The following USP34 variants were observed in gnomAD, a reference collection of about 807,000 sequenced individuals.
USP34 encodes the protein ubiquitin carboxyl-terminal hydrolase 34.
A neutral mutation model predicts 460.3 loss-of-function variants in USP34; 70 were observed. The observed-to-expected ratio is 0.15, with a 90% CI of 0.13 to 0.19. The LOEUF (loss-of-function observed/expected upper bound fraction) is 0.19, where lower values mean the gene tolerates loss of function less well. USP34 is among the 10% of genes least tolerant of loss of function. The probability of loss-of-function intolerance (pLI) is 1.00; values close to 1 mark genes in which losing one functional copy is unlikely to be tolerated. For synonymous variants in USP34, 1,647 were observed against 1,405.3 expected, an observed-to-expected ratio of 1.17 and a Z score of -3.85; for missense variants, 3,985 against 4,236.2, an observed-to-expected ratio of 0.94 and a Z score of 1.65.
chr2:61,305,056 T>A (rs1690359479), intron 27 of USP34, among the ~76,000 whole-genome samples: 1 of 152,150 alleles, frequency 6.6e-6, no homozygotes, highest in African/African-American at 2.4e-5. Context: ...ACGGGTGTGG[T>A]GGCTCACGCC....
rs1406822361 is a variant in USP34 at position 61,350,662 on chromosome 2, A to G, written c.1283T>C (p.Leu428Ser). Residue 428 changes from leucine (L) to serine (S), a missense_variant, in exon 11 of 80, where the codon TTA becomes TCA. Transcript: ENST00000398571. The stretch of plus-strand genomic sequence containing the variant: ...CAAATTCTTGATGAGTGAAGGAAAT[A>G]AGTCATGTATATACCGACTACAATG... Reference protein sequence around the residue: ...LKHCSRYIHDLFPSLIKNLDP... With the variant: ...LKHCSRYIHDSFPSLIKNLDP... 6.2e-7 allele frequency: 1 copy of G among 1,613,464 alleles called. No individual in the cohort carries two copies. The highest frequency in any genetic ancestry group is 8.5e-7 in the Non-Finnish European group (1 of 1,179,826).
intron 48 of USP34, among the ~76,000 whole-genome samples, chr2:61,249,369 G>A (rs998902683): frequency 2.0e-5 from 3 of 152,220 alleles, no homozygotes; most frequent in African/African-American, 7.2e-5. Flanking sequence ...TGGACATGCT[G>A]GACAAAGGGA....
At chr2:61,192,725 G>C (rs2103738694) in intron 76 of USP34, among the ~76,000 whole-genome samples, 176 bp downstream of exon 76, 1 of 152,224 alleles carries the variant, frequency 6.6e-6, no homozygotes, top group East Asian at 1.9e-4. Flanking sequence ...AAAAATCAAA[G>C]GGAAACTAGA....
At chr2:61,386,011 A>AG (rs967714743) in intron 5 of USP34, among the ~76,000 whole-genome samples, 24 of 151,956 alleles carry the variant, frequency 1.6e-4, no homozygotes, top group South Asian at 1.2e-3. Context: ...AAAAAAAAAA[A>AG]AAAGAAATAT....
At position 61,331,198 on chromosome 2, in the gene USP34, A is replaced by C. The variant is rs569930814; in HGVS notation, c.2930+78T>G. The stretch of plus-strand genomic sequence containing the variant: ...TACAATTACTTATTATATGAAAAAA[A>C]GTTAAAACACTGGAAAATCATCTTT... On this transcript the variant is annotated intron_variant, in intron 20 of 79. Coordinates refer to ENST00000398571, the MANE Select transcript of USP34 (RefSeq NM_014709.4). 168 of 1,266,264 alleles carry C rather than the reference A, an allele frequency of 1.3e-4. No homozygotes were observed. The African/African-American group carries it at 2.4e-3, about 18-fold the overall frequency. 78.4% of individuals were successfully genotyped at this position (1,266,264 alleles called of 1,614,324 possible).
In USP34 at chr2:61,220,449, T is replaced by A; in HGVS notation, c.7908A>T (p.Glu2636Asp). ...AATCTAGACACTGAGAAGGATTGTATTCAATCACCTACAAATAACATGACA... is the reference window on the plus strand; with the variant it reads ...AATCTAGACACTGAGAAGGATTGTAATCAATCACCTACAAATAACATGACA... The part of the protein sequence containing the change: ...YILQRIWEVI[E>D]YNPSQCLDWL... The change falls in exon 67 of 80, where the codon GAA becomes GAT. Residue 2636 changes from glutamate to aspartate, a missense_variant. Around this residue, in one of 14 missense-constraint regions of USP34, gnomAD observed 604 missense variants for 684.8 expected, o/e 0.88. Coordinates refer to ENST00000398571, the MANE Select transcript of USP34 (RefSeq NM_014709.4). 1 of 1,610,832 alleles carries A rather than the reference T, an allele frequency of 6.2e-7. No individual in the cohort carries two copies. The highest frequency in any genetic ancestry group is 1.7e-4 in the Middle Eastern group (1 of 6,036).
intron 10 of USP34, among the ~76,000 whole-genome samples, chr2:61,351,267 A>C (rs1243276536): frequency 6.6e-6 from 1 of 152,228 alleles, no homozygotes; most frequent in Non-Finnish European, 1.5e-5. Flanking sequence ...GGTGTGCCAG[A>C]TTTGTTATTA....
At chr2:61,364,423 G>C (rs1692367607) in intron 10 of USP34, among the ~76,000 whole-genome samples, 1 of 152,114 alleles carries the variant, frequency 6.6e-6, no homozygotes, top group Non-Finnish European at 1.5e-5. Context: ...GAAATTAAGA[G>C]TTATTATTTT....
At chr2:61,401,856 C>A (rs1693731410) in intron 3 of USP34, among the ~76,000 whole-genome samples, 1 of 151,514 alleles carries the variant, frequency 6.6e-6, no homozygotes, top group Non-Finnish European at 1.5e-5. Flanking sequence ...CCGCGCCCGG[C>A]CCATTTTTAT....
chr2:61,461,661 A>G (rs1055913410), intron 1 of USP34, among the ~76,000 whole-genome samples: 1 of 152,182 alleles, frequency 6.6e-6, no homozygotes, highest in Non-Finnish European at 1.5e-5. Flanking sequence ...CCCTGCTAAA[A>G]TAACACTTTC....
intron 1 of USP34, among the ~76,000 whole-genome samples, chr2:61,454,740 G>A (rs1695382203): frequency 6.6e-6 from 1 of 151,090 alleles, no homozygotes; most frequent in South Asian, 2.1e-4. Context: ...AGTAGACATG[G>A]GTTTCACCAT....
chr2:61,221,381 T>A, intron 66 of USP34, 121 bp downstream of exon 66: 1 of 840,676 alleles, frequency 1.2e-6, no homozygotes, highest in Non-Finnish European at 1.8e-6. Flanking sequence ...TCCCCAAACC[T>A]GTGACTTACT....
chr2:61,310,871 T>C (rs1183633750), intron 27 of USP34, among the ~76,000 whole-genome samples: 1 of 152,148 alleles, frequency 6.6e-6, no homozygotes, highest in Non-Finnish European at 1.5e-5. Flanking sequence ...TATCAAAAAT[T>C]CCCAAATTGC....
At chr2:61,244,432 T>C (rs1688365406) in intron 51 of USP34, among the ~76,000 whole-genome samples, 1 of 152,008 alleles carries the variant, frequency 6.6e-6, no homozygotes, top group African/African-American at 2.4e-5. Context: ...CTGGCCAACA[T>C]GGTGAAACTC....
Position 61,229,645 on chromosome 2 carries a change from G to GA in USP34, c.7114-13dup. 1 of 1,606,768 alleles carries GA rather than the reference G, an allele frequency of 6.2e-7. No homozygotes were observed. Among genetic ancestry groups the GA allele is most frequent in the East Asian group, 2.2e-5 (1 of 44,686 alleles). Reference sequence around the variant, plus strand: ...AAACGCTGAAACATCTGTGAAGAAAGAAAAAGATCAAACAAGAGCCAACTC... The same window carrying GA: ...AAACGCTGAAACATCTGTGAAGAAAGAAAAAAGATCAAACAAGAGCCAACTC... On this transcript the variant is annotated splice_polypyrimidine_tract_variant and intron_variant, in intron 58 of 79. Transcript: ENST00000398571.
At chr2:61,232,686 A>G (rs1000592721) in intron 57 of USP34, among the ~76,000 whole-genome samples, 154 bp from the exon 58 acceptor site, 5 of 152,164 alleles carry the variant, frequency 3.3e-5, no homozygotes, top group Admixed American at 6.5e-5. Flanking sequence ...GTCAAACTCT[A>G]AAATCATAAT....
chr2:61,434,257 C>A (rs1694753407), intron 1 of USP34, among the ~76,000 whole-genome samples: 1 of 152,184 alleles, frequency 6.6e-6, no homozygotes, highest in South Asian at 2.1e-4. Context: ...CACAGGTCGT[C>A]CCTGATGGGC....
chr2:61,396,632 G>A (rs1693537519), intron 3 of USP34, among the ~76,000 whole-genome samples: 1 of 152,012 alleles, frequency 6.6e-6, no homozygotes, highest in South Asian at 2.1e-4. Flanking sequence ...GGGATTACAG[G>A]CGCCCACCAC....
At chr2:61,227,294 G>A (rs937762115) in intron 61 of USP34, 76 bp from the exon 62 acceptor site, 12 of 1,499,730 alleles carry the variant, frequency 8.0e-6, no homozygotes, top group South Asian at 1.2e-5. Context: ...CTTGTTTTAT[G>A]TAACAGTGTA....
Sources: gnomAD v4.1 joint callset for allele counts (sites outside exome capture counted in the v4.1 genomes callset) on GRCh38, gnomAD v4.1.1 for gene constraint, gnomAD v4.1.1 regional missense constraint, MANE v1.5 for transcripts, NCBI Gene and HGNC (gene_info 2026-07-23, HGNC 2026-07-21) for gene names.